Variants in RIT2 observed in about 807,000 individuals in gnomAD.
The protein encoded by RIT2 is Ras like without CAAX 2.
In RIT2, 24 loss-of-function variants were observed where a neutral mutation model predicts 23.7. The ratio of observed to expected loss-of-function variants is 1.01; its 90% CI spans 0.73 to 1.43. The LOEUF is 1.43. RIT2 is among the 40% of genes most tolerant of loss of function. The pLI is 0.00. For missense variants in RIT2, 236 were observed against 266.9 expected, an observed-to-expected ratio of 0.88 and a Z score of 0.81; for synonymous variants, 107 against 91.1, an observed-to-expected ratio of 1.17 and a Z score of -0.99.
chr18:42,755,031 T>C (rs574646943), intron 4 of RIT2, among the ~76,000 whole-genome samples: 29 of 152,228 alleles, frequency 1.9e-4, no homozygotes, highest in African/African-American at 7.0e-4. Context: ...AATTTCCTCA[T>C]AAAATTCTCC....
At chr18:42,972,291 G>A (rs1910379953) in intron 3 of RIT2, among the ~76,000 whole-genome samples, 1 of 151,692 alleles carries the variant, frequency 6.6e-6, no homozygotes. Flanking sequence ...ACCCCCATAA[G>A]TCCATTGTTC....
intron 1 of RIT2, among the ~76,000 whole-genome samples, chr18:43,049,422 C>T (rs1912324724): frequency 6.6e-6 from 1 of 152,172 alleles, no homozygotes; most frequent in East Asian, 1.9e-4. Context: ...CTTTTTATTT[C>T]CTGTACATTT....
chr18:42,831,632 A>C (rs770562465), intron 4 of RIT2, among the ~76,000 whole-genome samples: 6 of 152,138 alleles, frequency 3.9e-5, no homozygotes, highest in Non-Finnish European at 7.4e-5. Context: ...TCTAGGAAGA[A>C]GAGAGAACTG....
intron 1 of RIT2, among the ~76,000 whole-genome samples, chr18:43,053,345 G>A (rs753099674): frequency 4.6e-5 from 7 of 151,844 alleles, no homozygotes; most frequent in Non-Finnish European, 1.5e-5. Flanking sequence ...ACATGCAACT[G>A]GATTTCAATC....
Position 43,032,894 on chromosome 18 carries a change from T to C in RIT2, c.160+917A>G, listed in dbSNP as rs377040160. ...AAGTAGGATCTTGAATTAAAATTTC[T>C]TGATAAGCATAATAGAAACTAGATG... On this transcript the variant is annotated intron_variant, in intron 2 of 4. Coordinates refer to ENST00000326695, the MANE Select transcript of RIT2 (RefSeq NM_002930.4). 9.2e-4 allele frequency among the ~76,000 whole-genome samples: 140 copies of C among 152,274 alleles called. 4 individuals are homozygous for C. In the South Asian group the frequency reaches 0.028, roughly 31 times the overall value.
At chr18:43,037,471 G>A (rs768935248) in intron 1 of RIT2, among the ~76,000 whole-genome samples, 8 of 152,054 alleles carry the variant, frequency 5.3e-5, no homozygotes, top group Non-Finnish European at 1.2e-4. Context: ...TGTGTTTCAG[G>A]AGGTTCTTGG....
At chr18:43,001,451 T>G (rs1218138361) in intron 2 of RIT2, among the ~76,000 whole-genome samples, 1 of 151,698 alleles carries the variant, frequency 6.6e-6, no homozygotes, top group Non-Finnish European at 1.5e-5. Context: ...ATAAGACGGG[T>G]TTTATTGAAA....
At chr18:42,750,785 A>C (rs1414675717) in intron 4 of RIT2, among the ~76,000 whole-genome samples, 1 of 151,866 alleles carries the variant, frequency 6.6e-6, no homozygotes, top group East Asian at 1.9e-4. Flanking sequence ...TAAAGATAAT[A>C]AATCATTTCA....
intron 3 of RIT2, among the ~76,000 whole-genome samples, chr18:42,969,309 A>G (rs1378204239): frequency 3.9e-5 from 6 of 152,164 alleles, no homozygotes; most frequent in Non-Finnish European, 8.8e-5. Flanking sequence ...CATGCCCTTA[A>G]GTATTCTCTT....
intron 2 of RIT2, among the ~76,000 whole-genome samples, chr18:42,985,989 G>A (rs1414163964): frequency 1.3e-5 from 2 of 151,364 alleles, no homozygotes; most frequent in Non-Finnish European, 2.9e-5. Context: ...ATGAAATAAA[G>A]TGGGTGTAAC....
At chr18:42,822,328 A>T (rs571622624) in intron 4 of RIT2, among the ~76,000 whole-genome samples, 1 of 152,250 alleles carries the variant, frequency 6.6e-6, no homozygotes, top group South Asian at 2.1e-4. Context: ...TCAATGGCTA[A>T]TCATGCATAA....
intron 4 of RIT2, among the ~76,000 whole-genome samples, chr18:42,810,336 A>G (rs1905816449): frequency 6.6e-6 from 1 of 151,860 alleles, no homozygotes; most frequent in African/African-American, 2.4e-5. Flanking sequence ...GTGCACTTGC[A>G]AAGTAATCTA....
intron 4 of RIT2, among the ~76,000 whole-genome samples, chr18:42,887,500 C>T (rs1489238548): frequency 3.9e-5 from 6 of 152,212 alleles, no homozygotes; most frequent in Admixed American, 3.9e-4. Context: ...CTGACAAAAA[C>T]AAATGCTGGC....
chr18:42,939,860 A>G (rs1201655766), intron 3 of RIT2, among the ~76,000 whole-genome samples: 1 of 152,118 alleles, frequency 6.6e-6, no homozygotes, highest in Non-Finnish European at 1.5e-5. Context: ...TAAAAAAATT[A>G]TAAGTACAAT....
chr18:42,751,825 A>G (rs1358525006), intron 4 of RIT2, among the ~76,000 whole-genome samples: 5 of 152,038 alleles, frequency 3.3e-5, no homozygotes, highest in Non-Finnish European at 7.4e-5. Flanking sequence ...AATCTTTTCT[A>G]TATTTCCTTA....
At chr18:43,000,662 A>G (rs1911083409) in intron 2 of RIT2, among the ~76,000 whole-genome samples, 1 of 151,920 alleles carries the variant, frequency 6.6e-6, no homozygotes, top group Non-Finnish European at 1.5e-5. Context: ...TGCTGTTCTC[A>G]TAATAGTGAG....
chr18:42,944,210 C>T (rs1034912407), intron 3 of RIT2, among the ~76,000 whole-genome samples: 2 of 152,100 alleles, frequency 1.3e-5, no homozygotes, highest in African/African-American at 2.4e-5. Flanking sequence ...TGTCACTTAC[C>T]GAGCCTCACT....
rs550171515 is a variant in RIT2 at position 43,046,970 on chromosome 18, A to G, written c.104-13103T>C. 8.5e-5 allele frequency among the ~76,000 whole-genome samples: 13 copies of G among 152,282 alleles called. 1 individual carries two copies. The highest frequency in any genetic ancestry group is 8.3e-4 in the South Asian group (4 of 4,826). On this transcript the variant is annotated intron_variant, in intron 1 of 4. Coordinates refer to ENST00000326695, the MANE Select transcript of RIT2 (RefSeq NM_002930.4). ...GTGTTTAGTGTGATCCTCAGATCAA[A>G]AAGTTTGAGTGCCACTGATCTAAGG... is the stretch of plus-strand genomic sequence containing the variant.
Position 43,004,935 on chromosome 18 carries a change from A to T in RIT2, c.160+28876T>A, listed in dbSNP as rs142782273. On this transcript the variant is annotated intron_variant, in intron 2 of 4. Transcript: ENST00000326695. Reference sequence around the variant, plus strand: ...AGGCTGGCTATCAGAATTGAACCAAACTACCAAAGAAAGAGGTGAGAGAGG... The same window carrying T: ...AGGCTGGCTATCAGAATTGAACCAATCTACCAAAGAAAGAGGTGAGAGAGG... Among the ~76,000 whole-genome samples the T allele has an allele frequency of 2.0e-5, 3 of 152,012 alleles. No individual in the cohort carries two copies. In the East Asian group the frequency reaches 5.8e-4, roughly 30 times the overall value.
Sources: gnomAD v4.1 joint callset for allele counts (sites outside exome capture counted in the v4.1 genomes callset) on GRCh38, gnomAD v4.1.1 for gene constraint, MANE v1.5 for transcripts, NCBI Gene and HGNC (gene_info 2026-07-23, HGNC 2026-07-21) for gene names.